APBB2: variants seen among roughly 807,000 people sequenced by gnomAD.
APBB2 encodes the protein Fe65-like 1.
A neutral mutation model predicts 82.5 loss-of-function variants in APBB2; 38 were observed. The observed-to-expected ratio is 0.46, with a 90% CI of 0.36 to 0.60. The LOEUF is 0.60. Ranked by LOEUF, APBB2 falls within the 20% of genes least tolerant of loss-of-function variation. The pLI is 0.00. For synonymous variants in APBB2, 341 were observed against 368.2 expected (o/e 0.93, Z 0.85); for missense variants, 772 against 972.3 (o/e 0.79, Z 2.74).
chr4:41,043,413 T>C (rs1348642192), intron 4 of APBB2, among the ~76,000 whole-genome samples: 1 of 152,208 alleles, frequency 6.6e-6, no homozygotes, highest in East Asian at 1.9e-4. Flanking sequence ...GATGAGTATA[T>C]AGGTATTGCC....
At chr4:41,141,608 C>G (rs776967332) in intron 2 of APBB2, among the ~76,000 whole-genome samples, 1 of 152,100 alleles carries the variant, frequency 6.6e-6, no homozygotes, top group African/African-American at 2.4e-5. Flanking sequence ...TGGTTGTGAC[C>G]CTTTAGTCCA....
At chr4:40,921,346 T>G (rs1781212082) in intron 10 of APBB2, among the ~76,000 whole-genome samples, 1 of 152,192 alleles carries the variant, frequency 6.6e-6, no homozygotes, top group Non-Finnish European at 1.5e-5. Context: ...GTTGTTTAGG[T>G]TCTCGGAATC....
chr4:41,090,431 G>A (rs1364397888), intron 3 of APBB2, among the ~76,000 whole-genome samples: 11 of 152,098 alleles, frequency 7.2e-5, no homozygotes, highest in Non-Finnish European at 1.5e-4. Context: ...ATAAAAGTTC[G>A]TTTTGTTGAA....
chr4:40,897,550 T>C (rs1000223691), intron 10 of APBB2, among the ~76,000 whole-genome samples: 2 of 152,144 alleles, frequency 1.3e-5, no homozygotes, highest in African/African-American at 4.8e-5. Flanking sequence ...GTCATACTGA[T>C]GAATATAAGC....
intron 6 of APBB2, among the ~76,000 whole-genome samples, chr4:40,956,831 C>T (rs1202779765): frequency 1.3e-5 from 2 of 152,146 alleles, no homozygotes; most frequent in African/African-American, 4.8e-5. Flanking sequence ...TTTAACATTA[C>T]ATACTTTGTC....
At chr4:41,019,781 C>T (rs905543219) in intron 5 of APBB2, among the ~76,000 whole-genome samples, 2 of 152,148 alleles carry the variant, frequency 1.3e-5, no homozygotes, top group East Asian at 1.9e-4. Flanking sequence ...AGGTGGCAGT[C>T]TTCCACTGCC....
intron 7 of APBB2, among the ~76,000 whole-genome samples, chr4:40,939,007 A>G (rs1306112097): frequency 6.6e-6 from 1 of 152,086 alleles, no homozygotes. Context: ...GAGAGACCTG[A>G]GCTGGCATGC....
chr4:40,872,621 T>C (rs61705773), intron 12 of APBB2, among the ~76,000 whole-genome samples: 40,490 of 151,848 alleles, frequency 0.27, 5,980 homozygotes, highest in East Asian at 0.57. Flanking sequence ...CCCAGAAAGC[T>C]AGATGGGATC....
At chr4:41,172,808 A>G (rs1768686119) in intron 1 of APBB2, among the ~76,000 whole-genome samples, 1 of 152,246 alleles carries the variant, frequency 6.6e-6, no homozygotes, top group South Asian at 2.1e-4. Context: ...AAGGGGGAAA[A>G]GTCAGCCAGG....
At chr4:40,816,659 G>T (rs1193799054) in intron 17 of APBB2, among the ~76,000 whole-genome samples, 2 of 152,200 alleles carry the variant, frequency 1.3e-5, no homozygotes, top group Non-Finnish European at 2.9e-5. Context: ...AGTAGAAAGG[G>T]CATAGTTTAA....
At chr4:40,824,015 C>G (rs986358162) in intron 15 of APBB2, among the ~76,000 whole-genome samples, 9 of 152,130 alleles carry the variant, frequency 5.9e-5, no homozygotes, top group African/African-American at 2.2e-4. Context: ...GCCTGGCCAA[C>G]ACGGTGAAAC....
At chr4:40,848,428 G>T (rs1758305211) in intron 12 of APBB2, among the ~76,000 whole-genome samples, 1 of 151,998 alleles carries the variant, frequency 6.6e-6, no homozygotes, top group African/African-American at 2.4e-5. Context: ...CAGAACACAG[G>T]CCTGCTGGCT....
chr4:40,908,672 C>A (rs933925235), intron 10 of APBB2, among the ~76,000 whole-genome samples: 1 of 152,104 alleles, frequency 6.6e-6, no homozygotes, highest in African/African-American at 2.4e-5. Context: ...CCTAGGAGTA[C>A]CCTGAGGAGA....
intron 1 of APBB2, among the ~76,000 whole-genome samples, chr4:41,144,354 A>G (rs1760098142): frequency 6.6e-6 from 1 of 152,224 alleles, no homozygotes; most frequent in African/African-American, 2.4e-5. Flanking sequence ...TATGATCCCA[A>G]TTTTGTTCTA....
chr4:41,033,173 C>A, intron 5 of APBB2, 63 bp downstream of exon 5: 1 of 1,043,888 alleles, frequency 9.6e-7, no homozygotes, highest in Admixed American at 1.9e-5. Flanking sequence ...TAAACATTAT[C>A]TTTTTTTAAG....
Position 40,935,072 on chromosome 4 carries a change from CT to C in APBB2, c.1107+4del. ...AAATGATCTAAGATCTGACAATATA[CT>C]TGCCTTCCAAATGTCACTATTAATC... On this transcript the variant is annotated splice_donor_region_variant and intron_variant, in intron 8 of 17. Transcript: ENST00000508593. The C allele has an allele frequency of 6.5e-7, 1 of 1,530,164 alleles. No individual in the cohort carries two copies. Among genetic ancestry groups the C allele is most frequent in the Non-Finnish European group, 8.8e-7 (1 of 1,140,952 alleles). The allele number at this position is 1,530,164 out of a possible 1,614,324, so 94.8% of individuals were successfully genotyped here.
intron 1 of APBB2, among the ~76,000 whole-genome samples, chr4:41,195,275 C>T: frequency 6.6e-6 from 1 of 152,176 alleles, no homozygotes; most frequent in Admixed American, 6.5e-5. Context: ...GAAATCCCCA[C>T]CAAAACCAGC....
rs1306150851 is a variant in APBB2, at chr4:40,868,524, T to C, written c.1529+21840A>G. On this transcript the variant is annotated intron_variant, in intron 12 of 17. Transcript: ENST00000508593. Reference sequence around the variant, plus strand: ...TTTCAGGAATCCATGACATGTGAAATGTGTCAGGATTAGCCAGAAGTAAAG... The same window carrying C: ...TTTCAGGAATCCATGACATGTGAAACGTGTCAGGATTAGCCAGAAGTAAAG... Among the ~76,000 whole-genome samples the C allele has an allele frequency of 2.6e-5, 4 of 152,200 alleles. No homozygotes were observed. The South Asian group carries it at 8.3e-4, about 31-fold the overall frequency.
intron 1 of APBB2, among the ~76,000 whole-genome samples, chr4:41,195,021 G>T: frequency 6.6e-6 from 1 of 152,142 alleles, no homozygotes; most frequent in African/African-American, 2.4e-5. Context: ...TCACACTCCT[G>T]TCTTAGTGGC....
Sources: allele counts gnomAD v4.1 joint callset (sites outside exome capture counted in the v4.1 genomes callset), GRCh38; gene constraint gnomAD v4.1.1; transcripts MANE v1.5; gene names NCBI Gene and HGNC (gene_info 2026-07-23, HGNC 2026-07-21).